GSE1: variants seen among roughly 807,000 people sequenced by gnomAD.
The protein encoded by GSE1 is genetic suppressor element 1.
Under a neutral mutation model 112.6 loss-of-function variants are expected in GSE1, and 32 were observed. The ratio of observed to expected loss-of-function variants is 0.28; its 90% confidence interval spans 0.21 to 0.38. The LOEUF (loss-of-function observed/expected upper bound fraction) is 0.38. Among genes scored for constraint, GSE1 ranks in the 10% least tolerant of loss-of-function variants. The probability of loss-of-function intolerance (pLI) is 1.00; values close to 1 mark genes in which losing one functional copy is unlikely to be tolerated. For missense variants in GSE1, 2,348 were observed against 1,699.2 expected, an observed-to-expected ratio of 1.38 and a Z score of -6.71; for synonymous variants, 1,115 against 735.6, an observed-to-expected ratio of 1.52 and a Z score of -8.35.
intron 1 of GSE1, among the ~76,000 whole-genome samples, chr16:85,341,754 C>G (rs1461561714): frequency 2.0e-5 from 3 of 152,118 alleles, no homozygotes; most frequent in Non-Finnish European, 4.4e-5. Flanking sequence ...CCTGCCCTGG[C>G]CCCCCAAAAC....
chr16:85,621,146 C>A (rs1196736269), intron 1 of GSE1, among the ~76,000 whole-genome samples: 5 of 151,682 alleles, frequency 3.3e-5, no homozygotes, highest in Non-Finnish European at 5.9e-5. Context: ...GTTGGGGAAC[C>A]CGTTTAGATG....
intron 1 of GSE1, among the ~76,000 whole-genome samples, chr16:85,189,039 C>T (rs765798242): frequency 7.2e-5 from 11 of 152,188 alleles, no homozygotes; most frequent in South Asian, 2.1e-4. Context: ...TCCCTGCACA[C>T]GCTCCAGTGC....
intron 2 of GSE1, among the ~76,000 whole-genome samples, chr16:85,531,945 G>A (rs572031957): frequency 6.6e-5 from 10 of 152,280 alleles, no homozygotes; most frequent in Non-Finnish European, 1.0e-4. Flanking sequence ...GATTCCCCAG[G>A]GAGCTGATGG....
chr16:85,266,233 C>T (rs1037816765), intron 1 of GSE1, among the ~76,000 whole-genome samples: 6 of 152,162 alleles, frequency 3.9e-5, no homozygotes, highest in East Asian at 1.9e-4. Context: ...CTTCCAGCTC[C>T]GGGCGAGACT....
At chr16:85,471,519 C>T (rs1039740750) in intron 2 of GSE1, among the ~76,000 whole-genome samples, 6 of 151,852 alleles carry the variant, frequency 4.0e-5, no homozygotes, top group African/African-American at 1.2e-4. Context: ...CTCAGATGAT[C>T]CTCCTACCTC....
intron 1 of GSE1, among the ~76,000 whole-genome samples, chr16:85,340,386 T>A (rs567661724): frequency 6.6e-6 from 1 of 151,988 alleles, no homozygotes; most frequent in Non-Finnish European, 1.5e-5. Flanking sequence ...ATGCCTGTAA[T>A]CCCAGCACTT....
intron 1 of GSE1, among the ~76,000 whole-genome samples, chr16:85,250,074 C>T (rs183876997): frequency 4.1e-4 from 62 of 152,344 alleles, no homozygotes; most frequent in Non-Finnish European, 6.2e-4. Flanking sequence ...GCAGCTCCTG[C>T]GGTGTTGGTC....
At chr16:85,329,399 G>C (rs1392467988) in intron 1 of GSE1, among the ~76,000 whole-genome samples, 1 of 152,052 alleles carries the variant, frequency 6.6e-6, no homozygotes, top group Admixed American at 6.5e-5. Flanking sequence ...CAGCCACTTC[G>C]GCTAAGCCTG....
rs1457096621 is a variant in GSE1, at chr16:85,426,064, T to TGGATGGATGGATGGAA, written c.2464+68431_2464+68432insATGGAAGGATGGATGG. 3.1e-3 allele frequency among the ~76,000 whole-genome samples: 422 copies of TGGATGGATGGATGGAA among 135,430 alleles called. 1 individual carries two copies. Among genetic ancestry groups the TGGATGGATGGATGGAA allele is most frequent in the African/African-American group, 0.01 (378 of 36,130 alleles). The allele number at this position is 135,430 out of a possible 152,430, so 88.8% of individuals were successfully genotyped here. ...ATGGATGGATGGATGGATGGATGGA[T>TGGATGGATGGATGGAA]GGATGGATGGGTAGATGGATGGGTG... On this transcript the variant is annotated intron_variant, in intron 2 of 2. Transcript: ENST00000637419.
At chr16:85,636,487 C>T (rs533634296) in intron 2 of GSE1, among the ~76,000 whole-genome samples, 4 of 152,228 alleles carry the variant, frequency 2.6e-5, no homozygotes, top group African/African-American at 9.6e-5. Context: ...CTCGTGACCT[C>T]AGCCACTCAG....
intron 1 of GSE1, among the ~76,000 whole-genome samples, chr16:85,253,222 C>T (rs1052175854): frequency 1.3e-5 from 2 of 152,176 alleles, no homozygotes; most frequent in African/African-American, 4.8e-5. Flanking sequence ...TCGCCGCCGG[C>T]GACTCACAGC....
chr16:85,348,114 C>A (rs2046779816), intron 1 of GSE1, among the ~76,000 whole-genome samples: 2 of 152,180 alleles, frequency 1.3e-5, no homozygotes, highest in African/African-American at 4.8e-5. Context: ...CGGTTCTGCC[C>A]CAGGCTTCAA....
At chr16:85,245,545 T>A (rs1403880627) in intron 1 of GSE1, among the ~76,000 whole-genome samples, 1 of 152,244 alleles carries the variant, frequency 6.6e-6, no homozygotes, top group Non-Finnish European at 1.5e-5. Context: ...TAAAAGCACT[T>A]CCCCTCTTTT....
In GSE1 at chr16:85,663,688, C is replaced by T. The variant is rs550751599; in HGVS notation, c.2644+74C>T. On this transcript the variant is annotated intron_variant, in intron 11 of 15. Coordinates refer to ENST00000253458, the MANE Select transcript of GSE1 (RefSeq NM_014615.5). ...GGGTTTCTGAAGCAGCAGGTGGGGC[C>T]GGTGGACTCCAGGCAGGATCTGCGA... 9.8e-5 allele frequency: 141 copies of T among 1,433,422 alleles called. 2 individuals carry two copies. The Middle Eastern group carries it at 1.3e-3, about 13-fold the overall frequency. 88.8% of individuals were successfully genotyped at this position (1,433,422 alleles called of 1,614,324 possible). A position where few individuals can be genotyped will look rare whatever the true frequency, so the allele number is the denominator to read the frequency against.
At position 85,382,956 on chromosome 16, in the gene GSE1, C is replaced by T. The variant is rs116024445; in HGVS notation, c.2464+25313C>T. Reference sequence around the variant, plus strand: ...CACACAACACGTACACATGCACACACGTGCACACACATGCACGCTCACACG... The same window carrying T: ...CACACAACACGTACACATGCACACATGTGCACACACATGCACGCTCACACG... On this transcript the variant is annotated intron_variant, in intron 2 of 2. Transcript: ENST00000637419. Among the ~76,000 whole-genome samples the T allele has an allele frequency of 5.1e-3, 764 of 150,862 alleles. 5 individuals are homozygous for T. The highest frequency in any genetic ancestry group is 0.018 in the African/African-American group (721 of 40,534).
At chr16:85,416,591 C>G (rs1226557096) in intron 2 of GSE1, among the ~76,000 whole-genome samples, 1 of 152,244 alleles carries the variant, frequency 6.6e-6, no homozygotes, top group South Asian at 2.1e-4. Context: ...GCCTGCCAGA[C>G]TTTCAGGGGC....
intron 3 of GSE1, among the ~76,000 whole-genome samples, chr16:85,650,021 C>T (rs2051200675): frequency 6.6e-6 from 1 of 152,194 alleles, no homozygotes; most frequent in Non-Finnish European, 1.5e-5. Flanking sequence ...TGCTTCCTTT[C>T]ACGCCTTCCC....
chr16:85,264,029 C>G (rs1399265404), intron 1 of GSE1, among the ~76,000 whole-genome samples: 2 of 152,120 alleles, frequency 1.3e-5, no homozygotes, highest in South Asian at 2.1e-4. Flanking sequence ...CCTCTCTCCC[C>G]CAGTGAGGGC....
chr16:85,597,506 G>T (rs1196933244), intron 1 of GSE1, among the ~76,000 whole-genome samples: 1 of 151,174 alleles, frequency 6.6e-6, no homozygotes, highest in Non-Finnish European at 1.5e-5. Context: ...ATCTCATTCT[G>T]TTCCCCAGGC....
Sources: gnomAD v4.1 joint callset for allele counts (sites outside exome capture counted in the v4.1 genomes callset) on GRCh38, gnomAD v4.1.1 for gene constraint, MANE v1.5 for transcripts, NCBI Gene and HGNC (gene_info 2026-07-23, HGNC 2026-07-21) for gene names.